Variants in LRRIQ3 observed in about 807,000 individuals in gnomAD.
LRRIQ3 encodes leucine rich repeats and IQ motif containing 3, also known as leucine-rich repeat and IQ domain-containing protein 3.
LRRIQ3 carries 75 observed loss-of-function variants against 59.3 expected under a neutral mutation model. The ratio of observed to expected loss-of-function variants is 1.26; its 90% CI spans 1.05 to 1.53. The LOEUF (loss-of-function observed/expected upper bound fraction) is 1.53, where lower values mean the gene tolerates loss of function less well. LRRIQ3 is among the 40% of genes most tolerant of loss of function. The pLI, the probability that LRRIQ3 is intolerant of heterozygous loss-of-function variation, is 0.00. For missense variants in LRRIQ3, 831 were observed against 710.0 expected (o/e 1.17, Z -1.94); for synonymous variants, 250 against 231.3 (o/e 1.08, Z -0.73).
chr1:74,062,120 G>A (rs2100446661), intron 6 of LRRIQ3, among the ~76,000 whole-genome samples: 1 of 152,202 alleles, frequency 6.6e-6, no homozygotes, highest in South Asian at 2.1e-4. Context: ...AAAGTAAACA[G>A]ACAACCTACA....
intron 4 of LRRIQ3, among the ~76,000 whole-genome samples, chr1:74,132,691 T>C (rs1198954886): frequency 1.3e-5 from 2 of 152,164 alleles, no homozygotes; most frequent in Admixed American, 6.5e-5. Context: ...ATGCCTTCCT[T>C]ATACCTTATA....
chr1:74,190,570 TAGAA>T (rs1478016335), intron 1 of LRRIQ3, among the ~76,000 whole-genome samples: 1 of 147,090 alleles, frequency 6.8e-6, no homozygotes, highest in East Asian at 2.0e-4. Context: ...AAAGGAAAAA[TAGAA>T]AGGAATAAAA....
At chr1:74,098,983 C>T (rs1047362690) in intron 5 of LRRIQ3, among the ~76,000 whole-genome samples, 15 of 152,006 alleles carry the variant, frequency 9.9e-5, no homozygotes, top group Non-Finnish European at 1.8e-4. Context: ...CCGAACATCA[C>T]AATGAAAAGA....
chr1:74,127,314 T>C (rs1011959293), intron 4 of LRRIQ3, among the ~76,000 whole-genome samples: 5 of 152,006 alleles, frequency 3.3e-5, no homozygotes, highest in African/African-American at 1.2e-4. Context: ...CTCTATGCTT[T>C]TGATTGGAGA....
intron 3 of LRRIQ3, chr1:74,180,819 GAATA>G (rs1167278864): frequency 1.9e-6 from 3 of 1,547,094 alleles, no homozygotes; most frequent in Non-Finnish European, 2.6e-6. Flanking sequence ...AAACAATGAG[GAATA>G]AATATTCTTC....
At chr1:74,129,790 G>A (rs1646986292) in intron 4 of LRRIQ3, among the ~76,000 whole-genome samples, 1 of 151,944 alleles carries the variant, frequency 6.6e-6, no homozygotes, top group Non-Finnish European at 1.5e-5. Flanking sequence ...GGGATCTTTA[G>A]CTAGGAGATA....
intron 5 of LRRIQ3, among the ~76,000 whole-genome samples, chr1:74,090,391 A>C (rs1182968811): frequency 6.6e-6 from 1 of 152,092 alleles, no homozygotes; most frequent in Non-Finnish European, 1.5e-5. Context: ...AAAACTTAAA[A>C]ATAAATTATA....
chr1:74,166,276 G>C (rs1570244520), intron 3 of LRRIQ3, among the ~76,000 whole-genome samples: 1 of 150,922 alleles, frequency 6.6e-6, no homozygotes, highest in East Asian at 1.9e-4. Flanking sequence ...TGGTGGGTGA[G>C]TTTTTGTAGT....
chr1:74,175,409 G>A (rs933076551), intron 3 of LRRIQ3, among the ~76,000 whole-genome samples: 1 of 152,010 alleles, frequency 6.6e-6, no homozygotes, highest in African/African-American at 2.4e-5. Context: ...TTCTGACTGA[G>A]GCAAGATAGA....
intron 4 of LRRIQ3, among the ~76,000 whole-genome samples, chr1:74,113,218 C>T (rs2100569642): frequency 6.6e-6 from 1 of 151,814 alleles, no homozygotes; most frequent in East Asian, 1.9e-4. Flanking sequence ...TATGGTGGCT[C>T]AACAGATTAT....
intron 6 of LRRIQ3, among the ~76,000 whole-genome samples, chr1:74,064,003 A>G (rs1221432572): frequency 6.6e-6 from 1 of 151,878 alleles, no homozygotes; most frequent in East Asian, 1.9e-4. Flanking sequence ...CAATAGATAT[A>G]TATCTTAAGT....
At chr1:74,068,573 C>T (rs971537751) in intron 6 of LRRIQ3, among the ~76,000 whole-genome samples, 2 of 152,006 alleles carry the variant, frequency 1.3e-5, no homozygotes, top group Non-Finnish European at 2.9e-5. Context: ...TAAATTTCAC[C>T]TTCTTCCTCT....
At chr1:74,108,181 G>C (rs796468378) in intron 5 of LRRIQ3, among the ~76,000 whole-genome samples, 8 of 151,666 alleles carry the variant, frequency 5.3e-5, no homozygotes, top group African/African-American at 1.9e-4. Context: ...CAACAAATTG[G>C]TTATCAGTAT....
chr1:74,122,121 A>C (rs1194913241), intron 4 of LRRIQ3, among the ~76,000 whole-genome samples: 1 of 152,098 alleles, frequency 6.6e-6, no homozygotes, highest in African/African-American at 2.4e-5. Context: ...GCTGCGTCAA[A>C]TGGTATTTCT....
At chr1:74,068,083 C>A (rs754346619) in intron 6 of LRRIQ3, among the ~76,000 whole-genome samples, 144 of 151,996 alleles carry the variant, frequency 9.5e-4, no homozygotes, top group Non-Finnish European at 1.6e-3. Context: ...CGGGGAAATT[C>A]TTTGCTACTA....
At chr1:74,126,715 T>C (rs1324613199) in intron 4 of LRRIQ3, among the ~76,000 whole-genome samples, 1 of 152,092 alleles carries the variant, frequency 6.6e-6, no homozygotes, top group East Asian at 1.9e-4. Flanking sequence ...GAGGAGACAC[T>C]TGATATAATT....
At chr1:74,113,451 C>A (rs886725548) in intron 4 of LRRIQ3, among the ~76,000 whole-genome samples, 1 of 152,058 alleles carries the variant, frequency 6.6e-6, no homozygotes, top group Non-Finnish European at 1.5e-5. Context: ...AAGAGGTCCA[C>A]GTCCAGACAC....
At chr1:74,092,439 G>A (rs1202706211) in intron 5 of LRRIQ3, among the ~76,000 whole-genome samples, 1 of 152,044 alleles carries the variant, frequency 6.6e-6, no homozygotes, top group East Asian at 1.9e-4. Flanking sequence ...CTTAGTACAG[G>A]AGATTGGGTG....
intron 5 of LRRIQ3, among the ~76,000 whole-genome samples, chr1:74,096,998 G>A (rs1236902627): frequency 2.6e-5 from 4 of 152,110 alleles, no homozygotes; most frequent in African/African-American, 9.7e-5. Flanking sequence ...GGGGGTCAGG[G>A]ATCCACTTGA....
Sources: gnomAD v4.1 joint callset for allele counts (sites outside exome capture counted in the v4.1 genomes callset) on GRCh38, gnomAD v4.1.1 for gene constraint, MANE v1.5 for transcripts, NCBI Gene and HGNC (gene_info 2026-07-23, HGNC 2026-07-21) for gene names.